Variants in CCDC69 observed in about 807,000 individuals in gnomAD.
The protein encoded by CCDC69 is coiled-coil domain containing 69, also known as coiled-coil domain-containing protein 69.
In CCDC69, 38 loss-of-function variants were observed where a neutral mutation model predicts 40.3. The ratio of observed to expected loss-of-function variants is 0.94; its 90% CI spans 0.73 to 1.24. CCDC69 has a LOEUF of 1.24. Ranked by LOEUF, CCDC69 falls within the 50% of genes most tolerant of loss-of-function variation. CCDC69 has a pLI of 0.00. For synonymous variants in CCDC69, 141 were observed against 138.9 expected (o/e 1.02, Z -0.11); for missense variants, 389 against 357.9 (o/e 1.09, Z -0.70).
chr5:151,185,442 G>A lies in CCDC69; in HGVS notation c.595C>T (p.Leu199=). ...CAGACCACTGTTTCCATGAGGATCA[G>A]CCGCCTGTCCAGCTCATGAATACGC... ...NERIHELDRR[L]ILMETVKEKN... is the part of the protein sequence containing the mutation. Residue 199 remains leucine, a synonymous_variant, in exon 7 of 9, where the codon CTG becomes TTG. Coordinates refer to ENST00000355417, the MANE Select transcript of CCDC69 (RefSeq NM_015621.3). 6.2e-7 allele frequency: 1 copy of A among 1,614,064 alleles called. No homozygotes were observed. Among genetic ancestry groups the A allele is most frequent in the Non-Finnish European group, 8.5e-7 (1 of 1,179,924 alleles).
rs1447740191 is a variant in CCDC69 at position 151,191,963 on chromosome 5, T to C, written c.320-4504A>G. On this transcript the variant is annotated intron_variant, in intron 4 of 8. Coordinates refer to ENST00000355417, the MANE Select transcript of CCDC69 (RefSeq NM_015621.3). ...CTGGCTAGGTGTGGTGGGGTACCTATAGTCTCAACTACTCAGGAGGCTGAG... is the reference window on the plus strand; with the variant it reads ...CTGGCTAGGTGTGGTGGGGTACCTACAGTCTCAACTACTCAGGAGGCTGAG... Among the ~76,000 whole-genome samples, 6 of 151,236 alleles carry C rather than the reference T, an allele frequency of 4.0e-5. 1 individual carries two copies. Among genetic ancestry groups the C allele is most frequent in the Admixed American group, 4.0e-4 (6 of 15,130 alleles).
rs759761626 is a variant in CCDC69 at position 151,183,442 on chromosome 5, T to G, written c.886A>C (p.Thr296Pro). The part of the protein sequence containing the change: ...VTPTEVSFLA[T>P] ...GTGGGCCCAGGCCCTGCACCCTATG[T>G]GGCGAGGAAAGAGACCTCAGTGGGA... The change falls in exon 9 of 9, where the codon ACA (threonine) becomes CCA (proline). Residue 296 changes from threonine (T) to proline (P), a missense_variant. By Grantham distance (38) the Thr-to-Pro change is conservative. Transcript: ENST00000355417. 1 of 1,601,332 alleles carries G rather than the reference T, an allele frequency of 6.2e-7. No individual in the cohort carries two copies. The highest frequency in any genetic ancestry group is 1.8e-5 in the Admixed American group (1 of 56,968).
At chr5:151,222,412 C>T (rs970382035) in intron 1 of CCDC69, among the ~76,000 whole-genome samples, 1 of 152,350 alleles carries the variant, frequency 6.6e-6, no homozygotes, top group East Asian at 1.9e-4. Context: ...CAGGCTCTTC[C>T]CCGTTTCCTC....
chr5:151,183,152 C>A lies in CCDC69; in HGVS notation c.*285G>T, dbSNP rs1368520196. ...GACTGCCCCTGGGAAAGCCTCGGAA[C>A]TTCTCGGATTGGGACAGAGTGCTGG... On this transcript the variant is annotated 3_prime_UTR_variant, in exon 9 of 9. Coordinates refer to ENST00000355417, the MANE Select transcript of CCDC69 (RefSeq NM_015621.3). 2 of 581,806 alleles carry A rather than the reference C, an allele frequency of 3.4e-6. No homozygotes were observed. Among genetic ancestry groups the A allele is most frequent in the Non-Finnish European group, 6.5e-6 (2 of 308,758 alleles). 36.0% of individuals were successfully genotyped at this position (581,806 alleles called of 1,614,324 possible).
chr5:151,205,826 A>C (rs557410158), intron 1 of CCDC69, among the ~76,000 whole-genome samples: 6 of 151,128 alleles, frequency 4.0e-5, no homozygotes, highest in Admixed American at 2.6e-4. Flanking sequence ...TATTACCCTC[A>C]CTCCAGCTAT....
rs548927776 is a variant in CCDC69 at position 151,191,071 on chromosome 5, C to T, written c.320-3612G>A. On this transcript the variant is annotated intron_variant, in intron 4 of 8. Coordinates refer to ENST00000355417, the MANE Select transcript of CCDC69 (RefSeq NM_015621.3). ...CCGTGTAACAAACCTGCATGTGTGT[C>T]CTGAATCTAAAATTAAAGTTGAAAT... 8.1e-5 allele frequency among the ~76,000 whole-genome samples: 12 copies of T among 148,662 alleles called. No homozygotes were observed. In the South Asian group the frequency reaches 2.6e-3, roughly 32 times the overall value.
intron 1 of CCDC69, among the ~76,000 whole-genome samples, chr5:151,219,551 A>C (rs1035578055): frequency 6.6e-6 from 1 of 152,186 alleles, no homozygotes; most frequent in South Asian, 2.1e-4. Context: ...GTTTCCATGG[A>C]CTACTTAACA....
chr5:151,195,735 A>AC (rs1157928651), intron 4 of CCDC69, among the ~76,000 whole-genome samples: 2 of 150,380 alleles, frequency 1.3e-5, no homozygotes, highest in South Asian at 2.1e-4. Context: ...AAAAAAAAAA[A>AC]AAAACACGCA....
Position 151,224,038 on chromosome 5 carries a change from C to G in CCDC69, c.-68G>C. 2 of 1,375,256 alleles carry G rather than the reference C, an allele frequency of 1.5e-6. No individual in the cohort carries two copies. Among genetic ancestry groups the G allele is most frequent in the Non-Finnish European group, 2.0e-6 (2 of 1,024,704 alleles). 85.2% of individuals were successfully genotyped at this position (1,375,256 alleles called of 1,614,324 possible). A position where few individuals can be genotyped will look rare whatever the true frequency, so the allele number is the denominator to read the frequency against. ...CCCCCAGAGGAGCCTGCGATCCGGG[C>G]CCCGCTGCCCGCTCCGCGCCCGCCG... On this transcript the variant is annotated 5_prime_UTR_variant, in exon 1 of 9. Coordinates refer to ENST00000355417, the MANE Select transcript of CCDC69 (RefSeq NM_015621.3).
chr5:151,201,522 G>A, intron 3 of CCDC69, 60 bp downstream of exon 3: 4 of 1,149,342 alleles, frequency 3.5e-6, no homozygotes, highest in Non-Finnish European at 5.2e-6. Flanking sequence ...CACTCACTCT[G>A]GGATTCACCA....
chr5:151,221,823 C>T (rs1469028253), intron 1 of CCDC69, among the ~76,000 whole-genome samples: 1 of 152,262 alleles, frequency 6.6e-6, no homozygotes, highest in African/African-American at 2.4e-5. Flanking sequence ...TCCCTGGAGT[C>T]CCCCTCTCTC....
At chr5:151,220,768 G>A (rs187638476) in intron 1 of CCDC69, among the ~76,000 whole-genome samples, 11 of 149,900 alleles carry the variant, frequency 7.3e-5, no homozygotes, top group Admixed American at 4.0e-4. Context: ...GGTTGGCCAC[G>A]AGATGCCTCC....
intron 1 of CCDC69, 112 bp downstream of exon 1, chr5:151,223,811 T>G (rs984212762): frequency 3.7e-5 from 40 of 1,066,736 alleles, no homozygotes; most frequent in Non-Finnish European, 5.4e-5. Flanking sequence ...AGGTTCTCCG[T>G]CCGGTATCCC....
At chr5:151,202,820 C>T (rs1752794041) in intron 2 of CCDC69, among the ~76,000 whole-genome samples, 1 of 152,176 alleles carries the variant, frequency 6.6e-6, no homozygotes, top group Non-Finnish European at 1.5e-5. Flanking sequence ...AGGCAGTGGC[C>T]ATCCTCTCTG....
chr5:151,222,793 G>A (rs755603234), intron 1 of CCDC69, among the ~76,000 whole-genome samples: 44 of 152,278 alleles, frequency 2.9e-4, no homozygotes, highest in East Asian at 1.4e-3. Context: ...TCAGGAGTTG[G>A]TGAGAATTTC....
intron 4 of CCDC69, among the ~76,000 whole-genome samples, chr5:151,195,496 G>A (rs974736363): frequency 2.0e-5 from 3 of 151,848 alleles, no homozygotes; most frequent in Non-Finnish European, 2.9e-5. Flanking sequence ...CGAGGCAGGC[G>A]GATTATGAGG....
Position 151,201,668 on chromosome 5 carries a change from C to A in CCDC69, c.145G>T (p.Ala49Ser). The change falls in exon 3 of 9, where the codon GCA (alanine) becomes TCA (serine). Residue 49 changes from alanine (A) to serine (S), a missense_variant. Coordinates refer to ENST00000355417, the MANE Select transcript of CCDC69 (RefSeq NM_015621.3). Reference protein sequence around the residue: ...GDTAITVQLCASEEAERHQKD... With the variant: ...GDTAITVQLCSSEEAERHQKD... ...TGGTGCCGCTCAGCCTCCTCTGATG[C>A]ACAGAGCTGGACAGTTATAGCTAGA... The A allele has an allele frequency of 1.9e-6, 3 of 1,612,422 alleles. No homozygotes were observed. Among genetic ancestry groups the A allele is most frequent in the Non-Finnish European group, 2.5e-6 (3 of 1,178,918 alleles).
intron 1 of CCDC69, 143 bp downstream of exon 1, chr5:151,223,780 C>T: frequency 4.2e-6 from 3 of 717,046 alleles, no homozygotes; most frequent in African/African-American, 1.9e-5. Flanking sequence ...GAGCCTCCCT[C>T]GTCTCTGAGC....
intron 5 of CCDC69, 53 bp from the exon 6 acceptor site, chr5:151,186,177 A>G (rs1752507906): frequency 4.0e-6 from 5 of 1,264,248 alleles, no homozygotes; most frequent in Non-Finnish European, 5.8e-6. Context: ...TAAATGCTGT[A>G]GGTGAACTTC....
Sources: gnomAD v4.1 joint callset for allele counts (sites outside exome capture counted in the v4.1 genomes callset) on GRCh38, gnomAD v4.1.1 for gene constraint, MANE v1.5 for transcripts, NCBI Gene and HGNC (gene_info 2026-07-23, HGNC 2026-07-21) for gene names.